The following CFAP20DC variants were observed in gnomAD, a reference collection of about 807,000 sequenced individuals.
CFAP20DC encodes the protein protein CFAP20DC.
In CFAP20DC, 84 loss-of-function variants were observed where a neutral mutation model predicts 101.7. The observed-to-expected ratio is 0.83, with a 90% CI of 0.69 to 0.99. The LOEUF (loss-of-function observed/expected upper bound fraction) is 0.99, where lower values mean the gene tolerates loss of function less well. CFAP20DC is among the 50% of genes least tolerant of loss of function. The probability of loss-of-function intolerance (pLI) is 0.00; values close to 1 mark genes in which losing one functional copy is unlikely to be tolerated. For missense variants in CFAP20DC, 1,007 were observed against 970.3 expected, an observed-to-expected ratio of 1.04 and a Z score of -0.50; for synonymous variants, 359 against 351.2, an observed-to-expected ratio of 1.02 and a Z score of -0.25.
Position 58,982,303 on chromosome 3 carries a change from C to T in CFAP20DC, c.279-44541G>A, listed in dbSNP as rs537389066. ...TAAACCATTTTGGAAGTCAGTGTGG[C>T]GATTCCTCAGGGATCTAGAACTAGA... On this transcript the variant is annotated intron_variant, in intron 4 of 16. Coordinates refer to ENST00000482387, the MANE Select transcript of CFAP20DC (RefSeq NM_001394063.1). Among the ~76,000 whole-genome samples, 75 of 152,258 alleles carry T rather than the reference C, an allele frequency of 4.9e-4. No individual in the cohort carries two copies. The East Asian group carries it at 9.9e-3, about 20-fold the overall frequency.
intron 14 of CFAP20DC, among the ~76,000 whole-genome samples, chr3:58,815,838 A>G (rs2075081206): frequency 6.6e-6 from 1 of 150,700 alleles, no homozygotes; most frequent in Admixed American, 6.6e-5. Context: ...TAGAATGGCA[A>G]TCATTAAAAA....
At chr3:58,823,285 T>C (rs535083564) in intron 14 of CFAP20DC, among the ~76,000 whole-genome samples, 5 of 152,154 alleles carry the variant, frequency 3.3e-5, no homozygotes, top group African/African-American at 1.2e-4. Context: ...TATAAACATA[T>C]GTAGCAGTAA....
intron 14 of CFAP20DC, among the ~76,000 whole-genome samples, chr3:58,818,601 T>A (rs1331187583): frequency 2.1e-5 from 3 of 145,616 alleles, no homozygotes; most frequent in African/African-American, 5.2e-5. Context: ...CTAACCTAAA[T>A]ATATATGCAC....
intron 4 of CFAP20DC, among the ~76,000 whole-genome samples, chr3:59,008,713 G>A (rs1441892357): frequency 6.6e-6 from 1 of 151,988 alleles, no homozygotes; most frequent in Non-Finnish European, 1.5e-5. Flanking sequence ...ACTGTTGTGG[G>A]GTGGGAGGAG....
At chr3:58,854,318 G>A (rs1329962668) in intron 12 of CFAP20DC, among the ~76,000 whole-genome samples, 1 of 151,324 alleles carries the variant, frequency 6.6e-6, no homozygotes, top group Non-Finnish European at 1.5e-5. Context: ...ACAAACCACT[G>A]CTCAAGGAAA....
intron 5 of CFAP20DC, among the ~76,000 whole-genome samples, chr3:58,917,676 T>C (rs2084881829): frequency 6.6e-6 from 1 of 152,228 alleles, no homozygotes; most frequent in Admixed American, 6.5e-5. Context: ...AAAATCAGCT[T>C]ACAATGACCT....
At chr3:58,819,755 C>G (rs1373488652) in intron 14 of CFAP20DC, among the ~76,000 whole-genome samples, 4 of 145,884 alleles carry the variant, frequency 2.7e-5, no homozygotes, top group Non-Finnish European at 6.0e-5. Context: ...CTATTCCAAT[C>G]AATAGAAAAA....
chr3:59,010,523 T>C (rs2093558242), intron 4 of CFAP20DC, among the ~76,000 whole-genome samples: 1 of 152,140 alleles, frequency 6.6e-6, no homozygotes, highest in South Asian at 2.1e-4. Context: ...ATCCTAAATA[T>C]ATATGCACCT....
At chr3:58,885,327 G>A (rs908156852) in intron 6 of CFAP20DC, among the ~76,000 whole-genome samples, 4 of 151,580 alleles carry the variant, frequency 2.6e-5, no homozygotes, top group African/African-American at 9.7e-5. Context: ...TATTTATATG[G>A]ATATATTAAT....
chr3:58,861,644 A>G lies in CFAP20DC; in HGVS notation c.1593+1914T>C, dbSNP rs2079256884. The G allele has an allele frequency of 4.1e-6, 4 of 985,316 alleles. No individual in the cohort carries two copies. Among genetic ancestry groups the G allele is most frequent in the South Asian group, 9.4e-5 (2 of 21,290 alleles). 61.0% of individuals were successfully genotyped at this position (985,316 alleles called of 1,614,324 possible). A position where few individuals can be genotyped will look rare whatever the true frequency, so the allele number is the denominator to read the frequency against. ...GTCCTATTTTTGTATCTTAGCTTGT[A>G]TCTCGTTAGTCTCTGTACCAGCAAA... On this transcript the variant is annotated intron_variant, in intron 12 of 16. Transcript: ENST00000482387. The surrounding 1 kb of genome is among the most constrained non-coding windows in gnomAD (Gnocchi z 4.0).
At chr3:58,754,651 C>G (rs2068803497) in intron 15 of CFAP20DC, among the ~76,000 whole-genome samples, 1 of 152,140 alleles carries the variant, frequency 6.6e-6, no homozygotes, top group South Asian at 2.1e-4. Context: ...CCTTATTCTT[C>G]TCAATAGAAG....
intron 14 of CFAP20DC, among the ~76,000 whole-genome samples, chr3:58,807,117 T>A (rs112847938): frequency 0.12 from 18,270 of 152,200 alleles, 1,981 homozygotes; most frequent in East Asian, 0.35. Context: ...TGCCTGCCTC[T>A]GTAGGCTCCA....
intron 4 of CFAP20DC, among the ~76,000 whole-genome samples, chr3:58,957,415 A>T (rs1027698165): frequency 1.3e-5 from 2 of 152,224 alleles, no homozygotes; most frequent in Admixed American, 1.3e-4. Flanking sequence ...AATGTAAATT[A>T]GTACAGCCAC....
intron 15 of CFAP20DC, among the ~76,000 whole-genome samples, chr3:58,796,368 C>T (rs2073242873): frequency 6.6e-6 from 1 of 152,122 alleles, no homozygotes; most frequent in African/African-American, 2.4e-5. Context: ...CAGGATGATT[C>T]TCGAGGGATT....
At chr3:58,743,937 C>T (rs376899188) in intron 16 of CFAP20DC, among the ~76,000 whole-genome samples, 8 of 152,248 alleles carry the variant, frequency 5.3e-5, no homozygotes, top group Admixed American at 2.0e-4. Context: ...TTCCATGAGC[C>T]GGACACTGAG....
At chr3:59,025,211 T>A (rs746010065) in intron 4 of CFAP20DC, among the ~76,000 whole-genome samples, 37 of 152,310 alleles carry the variant, frequency 2.4e-4, no homozygotes, top group Non-Finnish European at 2.9e-4. Flanking sequence ...ATAACTAGCA[T>A]CCATACCAAA....
chr3:58,717,513 A>G lies in CFAP20DC; in HGVS notation c.*75T>C. The G allele has an allele frequency of 2.4e-6, 1 of 415,674 alleles. No homozygotes were observed. The highest frequency in any genetic ancestry group is 4.7e-6 in the Non-Finnish European group (1 of 210,840). The allele number at this position is 415,674 out of a possible 1,614,324, so 25.7% of individuals were successfully genotyped here. A position where few individuals can be genotyped will look rare whatever the true frequency, so the allele number is the denominator to read the frequency against. ...GGAAACTGTAGTTCAGGATGAGTAT[A>G]GATGCTCAAGGAAGAAGTGAGGACC... is the stretch of plus-strand genomic sequence containing the variant. On this transcript the variant is annotated 3_prime_UTR_variant, in exon 4 of 4. Coordinates refer to the CFAP20DC transcript ENST00000486145. This position sits in a 1 kb window ranked among gnomAD's most constrained non-coding sequence, Gnocchi z 4.1.
rs1389983767 is a variant in CFAP20DC at position 58,966,303 on chromosome 3, C to T, written c.279-28541G>A. 2.0e-5 allele frequency among the ~76,000 whole-genome samples: 3 copies of T among 152,126 alleles called. No homozygotes were observed. In the East Asian group the frequency reaches 5.8e-4, roughly 29 times the overall value. On this transcript the variant is annotated intron_variant, in intron 4 of 16. Transcript: ENST00000482387. ...GAGGAGGTCTTGGCTGGGGCCAGAC[C>T]ACTATGTCCTTATTTGACCCTGTAA...
chr3:59,013,544 A>C (rs1177994909), intron 4 of CFAP20DC, among the ~76,000 whole-genome samples: 3 of 152,168 alleles, frequency 2.0e-5, no homozygotes, highest in Non-Finnish European at 4.4e-5. Flanking sequence ...GAGTCACTAC[A>C]AATTGTTTGC....
Sources: allele counts gnomAD v4.1 joint callset (sites outside exome capture counted in the v4.1 genomes callset), GRCh38; gene constraint gnomAD v4.1.1; non-coding constraint Gnocchi (gnomAD v3.1); transcripts MANE v1.5; gene names NCBI Gene and HGNC (gene_info 2026-07-23, HGNC 2026-07-21).